LARP4: variants seen among roughly 807,000 people sequenced by gnomAD.
The protein encoded by LARP4 is la-related protein 4.
A neutral mutation model predicts 92.9 loss-of-function variants in LARP4; 29 were observed. The observed-to-expected ratio is 0.31, with a 90% CI of 0.23 to 0.43. The LOEUF is 0.43. Among genes scored for constraint, LARP4 ranks in the 20% least tolerant of loss-of-function variants. The probability of loss-of-function intolerance (pLI) is 1.00; values close to 1 mark genes in which losing one functional copy is unlikely to be tolerated. For missense variants in LARP4, 732 were observed against 860.0 expected (o/e 0.85, Z 1.86); for synonymous variants, 279 against 284.1 (o/e 0.98, Z 0.18).
chr12:50,472,339 T>G (rs955808450), intron 13 of LARP4, among the ~76,000 whole-genome samples: 2 of 152,190 alleles, frequency 1.3e-5, no homozygotes, highest in Non-Finnish European at 1.5e-5. Context: ...CTCCTTTCTC[T>G]TATCCTTCAG....
chr12:50,449,934 T>TC (rs1952857804), intron 8 of LARP4, among the ~76,000 whole-genome samples: 1 of 134,348 alleles, frequency 7.4e-6, no homozygotes, highest in Non-Finnish European at 1.6e-5. Context: ...TTTTTTTTTT[T>TC]TTTTTTTTTT....
chr12:50,456,617 C>T (rs903730083), intron 10 of LARP4, among the ~76,000 whole-genome samples: 5 of 152,158 alleles, frequency 3.3e-5, no homozygotes, highest in African/African-American at 1.2e-4. Flanking sequence ...ATAGGACTAA[C>T]TTTCAGAAAT....
chr12:50,439,150 G>A (rs959317720), intron 6 of LARP4, among the ~76,000 whole-genome samples: 2 of 152,080 alleles, frequency 1.3e-5, no homozygotes, highest in African/African-American at 4.8e-5. Flanking sequence ...TGTTGCCTAG[G>A]CTGTTCTCAA....
chr12:50,469,412 G>A (rs944833254), intron 13 of LARP4, among the ~76,000 whole-genome samples: 1 of 151,996 alleles, frequency 6.6e-6, no homozygotes, highest in Non-Finnish European at 1.5e-5. Context: ...GGACCATCCT[G>A]GCTAACATGG....
chr12:50,426,714 TGTGTGTGTGTGTGTGTGG>T (rs1223224330), intron 1 of LARP4, among the ~76,000 whole-genome samples: 19 of 140,474 alleles, frequency 1.4e-4, no homozygotes, highest in African/African-American at 4.5e-4. Context: ...TGTGTGTGTG[TGTGTGTGTGTGTGTGTGG>T]TTTTTTTTTT....
intron 4 of LARP4, among the ~76,000 whole-genome samples, chr12:50,433,269 ATTTTTTTTTT>A (rs60797979): frequency 1.7e-5 from 2 of 117,280 alleles, no homozygotes; most frequent in African/African-American, 3.0e-5. Flanking sequence ...CAAAAACGTG[ATTTTTTTTTT>A]TTTTTTTTTT....
At position 50,467,061 on chromosome 12, in the gene LARP4, G is replaced by C; in HGVS notation, c.1486G>C (p.Gly496Arg). Residue 496 changes from glycine (G) to arginine (R), a missense_variant, in exon 13 of 16, where the codon GGT (glycine) becomes CGT (arginine). By Grantham distance (125) the Gly-to-Arg change is moderately radical (BLOSUM62 -2). This residue lies in a region of LARP4 where 264 missense variants were observed against 269.5 expected (regional missense o/e 0.98). Transcript: ENST00000398473. ...ACCTGGAAGTTCATCAAGAATGCCA[G>C]GTGAACTCGTTTTGGAGAATAGGAT... ...PLPGSSSRMP[G>R]ELVLENRMSD... 2 of 1,613,590 alleles carry C rather than the reference G, an allele frequency of 1.2e-6. No individual in the cohort carries two copies. Among genetic ancestry groups the C allele is most frequent in the African/African-American group, 1.3e-5 (1 of 75,010 alleles).
rs1325862070 is a variant in LARP4, at chr12:50,479,385, T to A, written c.*3521T>A. 3 of 152,338 alleles carry A rather than the reference T, an allele frequency of 2.0e-5. No homozygotes were observed. The South Asian group carries it at 6.2e-4, about 32-fold the overall frequency. The allele number at this position is 152,338 out of a possible 1,614,324, so 9.4% of individuals were successfully genotyped here. On this transcript the variant is annotated 3_prime_UTR_variant, in exon 16 of 16. Coordinates refer to ENST00000398473, the MANE Select transcript of LARP4 (RefSeq NM_052879.5). Reference sequence around the variant, plus strand: ...CTATAATATATGATGGATTTTTTCCTAATTTTTTATATTTCCTTACAATTT... The same window carrying A: ...CTATAATATATGATGGATTTTTTCCAAATTTTTTATATTTCCTTACAATTT...
intron 15 of LARP4, 103 bp downstream of exon 15, chr12:50,474,270 C>A: frequency 1.2e-6 from 1 of 864,370 alleles, no homozygotes. Flanking sequence ...TTGGAAGTAG[C>A]CCAAGTTGGG....
At chr12:50,436,528 G>A (rs747467353) in intron 5 of LARP4, among the ~76,000 whole-genome samples, 3 of 152,122 alleles carry the variant, frequency 2.0e-5, no homozygotes, top group South Asian at 4.1e-4. Flanking sequence ...ACACCTGACC[G>A]AAATATTTGT....
At position 50,449,923 on chromosome 12, in the gene LARP4, A is replaced by AT. The variant is rs60763691; in HGVS notation, c.805-3508dup. Among the ~76,000 whole-genome samples the AT allele has an allele frequency of 0.012, 566 of 47,058 alleles. 117 individuals carry two copies. The East Asian group carries it at 0.13, about 10-fold the overall frequency. 30.9% of individuals were successfully genotyped at this position (47,058 alleles called of 152,430 possible). ...GACCTTTTGTTATACAGCCATAGCA[A>AT]TTTTTTTTTTTTTTTTTTTTTTTTT... On this transcript the variant is annotated intron_variant, in intron 8 of 15. Transcript: ENST00000398473.
rs559547005 is a variant in LARP4 at position 50,449,978 on chromosome 12, G to C, written c.805-3482G>C. Among the ~76,000 whole-genome samples, 568 of 113,444 alleles carry C rather than the reference G, an allele frequency of 5.0e-3. 4 individuals are homozygous for C. Among genetic ancestry groups the C allele is most frequent in the African/African-American group, 0.017 (505 of 29,366 alleles). 74.4% of individuals were successfully genotyped at this position (113,444 alleles called of 152,430 possible). A position where few individuals can be genotyped will look rare whatever the true frequency, so the allele number is the denominator to read the frequency against. On this transcript the variant is annotated intron_variant, in intron 8 of 15. Transcript: ENST00000398473. The stretch of plus-strand genomic sequence containing the variant: ...GAGATGGAGTTTTGCTCTGTTGCCA[G>C]ACTGGAGTGCAGTGGCACGATCTCA...
chr12:50,467,103 G>C lies in LARP4; in HGVS notation c.1528G>C (p.Gly510Arg). The C allele has an allele frequency of 6.2e-7, 1 of 1,604,540 alleles. No individual in the cohort carries two copies. Among genetic ancestry groups the C allele is most frequent in the Non-Finnish European group, 8.5e-7 (1 of 1,172,400 alleles). Residue 510 changes from glycine to arginine, a missense_variant, in exon 13 of 16, where the codon GGT becomes CGT. Physicochemically the swap from Gly to Arg is moderately radical, Grantham distance 125. Around this residue, in one of 7 missense-constraint regions of LARP4, gnomAD observed 264 missense variants for 269.5 expected, o/e 0.98. Coordinates refer to ENST00000398473, the MANE Select transcript of LARP4 (RefSeq NM_052879.5). ...LENRMSDVVKGVYKEKDNEEL... is the reference protein window; with the variant it reads ...LENRMSDVVKRVYKEKDNEEL... ...GAATAGGATGTCTGATGTTGTTAAA[G>C]GTGTCTACAAAGAAAAGGTAAACAC...
Position 50,435,556 on chromosome 12 carries a change from C to T in LARP4, c.467C>T (p.Thr156Ile). 1 of 1,600,704 alleles carries T rather than the reference C, an allele frequency of 6.2e-7. No homozygotes were observed. The highest frequency in any genetic ancestry group is 8.6e-7 in the Non-Finnish European group (1 of 1,168,038). ...MDSDQFIPIW[T>I]VANMEEIKKL... ...AGTGATCAGTTCATCCCAATTTGGA[C>T]AGTTGCCAACATGGAAGAAATAAAA... Residue 156 changes from threonine (T) to isoleucine (I), a missense_variant, in exon 5 of 16, where the codon ACA becomes ATA. This residue lies in a region of LARP4 where 236 missense variants were observed against 307.6 expected (regional missense o/e 0.77). Transcript: ENST00000398473.
chr12:50,474,263 GAAGTAGCCC>G (rs1957298530), intron 15 of LARP4, 96 bp downstream of exon 15: 9 of 942,234 alleles, frequency 9.6e-6, no homozygotes, highest in Non-Finnish European at 1.4e-5. Flanking sequence ...GAGTCATTTG[GAAGTAGCCC>G]AAGTTGGGGC....
At chr12:50,452,408 A>G (rs1953373673) in intron 8 of LARP4, among the ~76,000 whole-genome samples, 1 of 151,926 alleles carries the variant, frequency 6.6e-6, no homozygotes, top group Non-Finnish European at 1.5e-5. Flanking sequence ...TCTGGAATTC[A>G]TGACCTCAAG....
At chr12:50,426,019 A>G (rs1046181879) in intron 1 of LARP4, among the ~76,000 whole-genome samples, 1 of 151,760 alleles carries the variant, frequency 6.6e-6, no homozygotes, top group Non-Finnish European at 1.5e-5. Context: ...CTACTCTCAT[A>G]TTGCATCCGG....
At chr12:50,468,334 C>T (rs1452585105) in intron 13 of LARP4, among the ~76,000 whole-genome samples, 1 of 148,780 alleles carries the variant, frequency 6.7e-6, no homozygotes, top group Non-Finnish European at 1.5e-5. Context: ...TCGCTCGTAG[C>T]CCAGGCTGGA....
chr12:50,432,157 T>A (rs1949753637), intron 4 of LARP4, among the ~76,000 whole-genome samples: 3 of 152,194 alleles, frequency 2.0e-5, no homozygotes, highest in Admixed American at 2.0e-4. Context: ...TCTGCTTCTA[T>A]TGTCTGGGTT....
Sources: gnomAD v4.1 joint callset for allele counts (sites outside exome capture counted in the v4.1 genomes callset) on GRCh38, gnomAD v4.1.1 for gene constraint, gnomAD v4.1.1 regional missense constraint, MANE v1.5 for transcripts, NCBI Gene and HGNC (gene_info 2026-07-23, HGNC 2026-07-21) for gene names.